The following CCDC22 variants were observed in gnomAD, a reference collection of about 807,000 sequenced individuals.
The protein encoded by CCDC22 is CCC complex scaffolding subunit CCDC22, also known as coiled-coil domain-containing protein 22.
CCDC22 carries 4 observed loss-of-function variants against 53.1 expected under a neutral mutation model. The ratio of observed to expected loss-of-function variants is 0.08; its 90% CI spans 0.04 to 0.17. The LOEUF (loss-of-function observed/expected upper bound fraction) is 0.17, where lower values mean the gene tolerates loss of function less well. CCDC22 is among the 10% of genes least tolerant of loss of function. CCDC22 has a pLI of 1.00. For synonymous variants in CCDC22, 222 were observed against 224.4 expected, an observed-to-expected ratio of 0.99 and a Z score of 0.10; for missense variants, 458 against 554.0, an observed-to-expected ratio of 0.83 and a Z score of 1.74.
At position 49,235,524 on chromosome X, in the gene CCDC22, C is replaced by A; in HGVS notation, c.-113C>A. On this transcript the variant is annotated 5_prime_UTR_variant, in exon 1 of 17. Coordinates refer to ENST00000376227, the MANE Select transcript of CCDC22 (RefSeq NM_014008.5). The stretch of plus-strand genomic sequence containing the variant: ...GAACTACACTTTCCAACTCTCCCCA[C>A]ACGACCCGTGACACTCTGTGGACCG... 2 of 710,835 alleles carry A rather than the reference C, an allele frequency of 2.8e-6. No individual in the cohort carries two copies. The highest frequency in any genetic ancestry group is 4.4e-6 in the Non-Finnish European group (2 of 456,603). The allele number at this position is 710,835 out of a possible 1,213,427, so 58.6% of individuals were successfully genotyped here. A position where few individuals can be genotyped will look rare whatever the true frequency, so the allele number is the denominator to read the frequency against.
rs1187267718 is a variant in CCDC22 at position 49,235,484 on chromosome X, C to T, written c.-153C>T. The T allele has an allele frequency of 5.2e-5, 28 of 538,452 alleles. No homozygotes were observed. Among genetic ancestry groups the T allele is most frequent in the Non-Finnish European group, 8.4e-5 (26 of 308,022 alleles). The allele number at this position is 538,452 out of a possible 1,213,427, so 44.4% of individuals were successfully genotyped here. ...CCCCAGGCCTCACATCCGGCATGCG[C>T]CGTGCTCGCTCACAGAACTACACTT... On this transcript the variant is annotated 5_prime_UTR_variant, in exon 1 of 17. Transcript: ENST00000376227.
intron 13 of CCDC22, 37 bp from the exon 14 acceptor site, chrX:49,249,130 C>T (rs782815714): frequency 1.6e-5 from 19 of 1,171,052 alleles, no homozygotes; most frequent in Non-Finnish European, 2.2e-5. Flanking sequence ...CCAGCCTGCC[C>T]CAGGCAGGGG....
intron 1 of CCDC22, 92 bp downstream of exon 1, chrX:49,235,778 C>A: frequency 1.3e-6 from 1 of 744,930 alleles, no homozygotes; most frequent in Non-Finnish European, 2.0e-6. Context: ...AACCCGGGAT[C>A]CTGACATTCA....
intron 1 of CCDC22, among the ~76,000 whole-genome samples, 177 bp downstream of exon 1, chrX:49,235,863 A>ACG (rs1262064002): frequency 6.7e-5 from 7 of 103,749 alleles, no homozygotes; most frequent in Admixed American, 2.0e-4. Flanking sequence ...ACACACACAC[A>ACG]CGCACACACA....
At chrX:49,239,970 C>T (rs1183732158) in intron 2 of CCDC22, among the ~76,000 whole-genome samples, 1 of 109,641 alleles carries the variant, frequency 9.1e-6, no homozygotes, top group Non-Finnish European at 1.9e-5. Flanking sequence ...TACATGTGGG[C>T]TGGGCACGTT....
In CCDC22 at chrX:49,248,840, C is replaced by T. The variant is rs1278843349; in HGVS notation, c.1455C>T (p.Pro485=). The T allele has an allele frequency of 8.3e-7, 1 of 1,210,739 alleles. No individual in the cohort carries two copies. Among genetic ancestry groups the T allele is most frequent in the Non-Finnish European group, 1.1e-6 (1 of 895,077 alleles). Residue 485 remains proline (P), a synonymous_variant, in exon 13 of 17, where the codon CCC becomes CCT. Transcript: ENST00000376227. ...KQLMSELETL[P]RDVSRLAYTQ... ...AGATGTCAGAGCTGGAGACTCTGCC[C>T]AGAGATGTGTCCCGGCTGGCCTACA...
chrX:49,243,551 C>G, intron 6 of CCDC22, 89 bp downstream of exon 6: 1 of 776,848 alleles, frequency 1.3e-6, no homozygotes. Context: ...CACTTTGTCC[C>G]TCCCTTCCAT....
At position 49,250,352 on chromosome X, in the gene CCDC22, C is replaced by T. The variant is rs782609786; in HGVS notation, c.*91C>T. 507 of 548,463 alleles carry T rather than the reference C, an allele frequency of 9.2e-4. No individual in the cohort carries two copies. Among genetic ancestry groups the T allele is most frequent in the South Asian group, 1.3e-3 (54 of 40,595 alleles). The allele number at this position is 548,463 out of a possible 1,213,427, so 45.2% of individuals were successfully genotyped here. On this transcript the variant is annotated 3_prime_UTR_variant, in exon 17 of 17. Transcript: ENST00000376227. ...AAGCACATGCCCTAGCTACTTCCTC[C>T]GCTGTCCAGTTCCTCCTGCTGCGGC...
rs782588505 is a variant in CCDC22, at chrX:49,243,217, G to A, written c.535+33G>A. On this transcript the variant is annotated intron_variant, in intron 5 of 16. Transcript: ENST00000376227. ...TGAGGCTGTGGGGAGGGGTGAGGAG[G>A]AAGGTGGGGGGGAACCTCATAGCGT... is the stretch of plus-strand genomic sequence containing the variant. The A allele has an allele frequency of 2.5e-6, 3 of 1,203,395 alleles. No homozygotes were observed. In the East Asian group the frequency reaches 8.9e-5, roughly 36 times the overall value.
In CCDC22 at chrX:49,241,900, G is replaced by A. The variant is rs782313560; in HGVS notation, c.229-116G>A. The A allele has an allele frequency of 3.7e-5, 30 of 808,114 alleles. No homozygotes were observed. The African/African-American group carries it at 5.6e-4, about 15-fold the overall frequency. 66.6% of individuals were successfully genotyped at this position (808,114 alleles called of 1,213,427 possible). A position where few individuals can be genotyped will look rare whatever the true frequency, so the allele number is the denominator to read the frequency against. ...GGGCCCAGAGGCCTTGGGGAGCTGG[G>A]GGAGGTTGGGAGGGTGGTGGTTAGT... On this transcript the variant is annotated intron_variant, in intron 2 of 16. Coordinates refer to ENST00000376227, the MANE Select transcript of CCDC22 (RefSeq NM_014008.5).
chrX:49,236,407 C>A (rs1233856104), intron 1 of CCDC22, among the ~76,000 whole-genome samples: 1 of 109,755 alleles, frequency 9.1e-6, no homozygotes, highest in African/African-American at 3.3e-5. Flanking sequence ...AGGGTTTCAC[C>A]ATGTTGGTCA....
In CCDC22 at chrX:49,235,578, C is replaced by T. The variant is rs2065931895; in HGVS notation, c.-59C>T. The T allele has an allele frequency of 9.6e-7, 1 of 1,037,845 alleles. No individual in the cohort carries two copies. The allele number at this position is 1,037,845 out of a possible 1,213,427, so 85.5% of individuals were successfully genotyped here. The stretch of plus-strand genomic sequence containing the variant: ...GCACGGAGCAGGGTTTCTACAGCTG[C>T]TCCCCACTTTCTCGGACCCGGTCCT... On this transcript the variant is annotated 5_prime_UTR_variant, in exon 1 of 17. Transcript: ENST00000376227.
rs782145074 is a variant in CCDC22 at position 49,243,166 on chromosome X, G to C, written c.517G>C (p.Glu173Gln). ...PFHASRLVVP[E>Q]LSSRGEPREF... is the part of the protein sequence containing the mutation. ...CCATGCCAGCAGGCTGGTCGTGCCAGAATTGAGTTCCAGAGGTGGTGAGCA... is the reference window on the plus strand; with the variant it reads ...CCATGCCAGCAGGCTGGTCGTGCCACAATTGAGTTCCAGAGGTGGTGAGCA... The change falls in exon 5 of 17, where the codon GAA (glutamate) becomes CAA (glutamine). Residue 173 changes from glutamate (E) to glutamine (Q), a missense_variant. Physicochemically the swap from Glu to Gln is conservative, Grantham distance 29. This residue lies in a region of CCDC22 where 309 missense variants were observed against 312.3 expected (regional missense o/e 0.99). Coordinates refer to ENST00000376227, the MANE Select transcript of CCDC22 (RefSeq NM_014008.5). The C allele has an allele frequency of 8.3e-7, 1 of 1,211,890 alleles. No individual in the cohort carries two copies. The highest frequency in any genetic ancestry group is 1.7e-5 in the African/African-American group (1 of 57,932).
rs1557112556 is a variant in CCDC22, at chrX:49,235,703, C to T, written c.50+17C>T. 1.7e-6 allele frequency: 2 copies of T among 1,168,095 alleles called. No homozygotes were observed. The highest frequency in any genetic ancestry group is 1.2e-6 in the Non-Finnish European group (1 of 869,367). Reference sequence around the variant, plus strand: ...GGCCGGCACGTAAGGACAGAGCCCCCGCCCACCCCCGAAGCCCACATCCGG... The same window carrying T: ...GGCCGGCACGTAAGGACAGAGCCCCTGCCCACCCCCGAAGCCCACATCCGG... On this transcript the variant is annotated intron_variant, in intron 1 of 16. Coordinates refer to ENST00000376227, the MANE Select transcript of CCDC22 (RefSeq NM_014008.5).
chrX:49,241,478 C>A (rs1302037885), intron 2 of CCDC22, among the ~76,000 whole-genome samples: 4 of 75,081 alleles, frequency 5.3e-5, no homozygotes, highest in Non-Finnish European at 1.1e-4. Context: ...CAGAGCGAGA[C>A]CCTGTCTCAA....
chrX:49,247,758 G>T lies in CCDC22; in HGVS notation c.1082G>T (p.Ser361Ile), dbSNP rs781846018. ...GCCGACATGAAGACCCTGGGCGTCA[G>T]CTTTGTGCAGGTAAGGGGCGGAGGA... ...VEADMKTLGV[S>I]FVQAESECRH... The change falls in exon 9 of 17, where the codon AGC becomes ATC. Residue 361 changes from serine (S) to isoleucine (I), a missense_variant. By Grantham distance (142) the Ser-to-Ile change is moderately radical (BLOSUM62 -2). Around this residue, in one of 4 missense-constraint regions of CCDC22, gnomAD observed 309 missense variants for 312.3 expected, o/e 0.99. Coordinates refer to ENST00000376227, the MANE Select transcript of CCDC22 (RefSeq NM_014008.5). 1 of 1,211,519 alleles carries T rather than the reference G, an allele frequency of 8.3e-7. No individual in the cohort carries two copies. The highest frequency in any genetic ancestry group is 1.1e-6 in the Non-Finnish European group (1 of 895,349).
At position 49,248,290 on chromosome X, in the gene CCDC22, G is replaced by A; in HGVS notation, c.1192G>A (p.Ala398Thr). 5 of 1,051,595 alleles carry A rather than the reference G, an allele frequency of 4.8e-6. No homozygotes were observed. Among genetic ancestry groups the A allele is most frequent in the Non-Finnish European group, 6.2e-6 (5 of 801,339 alleles). 86.7% of individuals were successfully genotyped at this position (1,051,595 alleles called of 1,213,427 possible). A position where few individuals can be genotyped will look rare whatever the true frequency, so the allele number is the denominator to read the frequency against. Residue 398 changes from alanine to threonine, a missense_variant, in exon 10 of 17, where the codon GCC becomes ACC. Transcript: ENST00000376227. Reference sequence around the variant, plus strand: ...GGTGGAGCTGCTGCCCGATGGGACTGCCAACCTTGCCAAGCTGCAGGTGGG... The same window carrying A: ...GGTGGAGCTGCTGCCCGATGGGACTACCAACCTTGCCAAGCTGCAGGTGGG... ...RAVELLPDGT[A>T]NLAKLQLVVE...
chrX:49,236,992 C>T, intron 1 of CCDC22, 94 bp from the exon 2 acceptor site: 4 of 813,969 alleles, frequency 4.9e-6, no homozygotes, highest in Middle Eastern at 2.9e-4. Context: ...CTCCCTGCCC[C>T]GACCCTGGTA....
chrX:49,245,699 A>G (rs1242241238), intron 6 of CCDC22, among the ~76,000 whole-genome samples: 1 of 112,288 alleles, frequency 8.9e-6, no homozygotes, highest in African/African-American at 3.2e-5. Context: ...ATCTGTAGTA[A>G]TTTTCAAACA....
Sources: allele counts gnomAD v4.1 joint callset (sites outside exome capture counted in the v4.1 genomes callset), GRCh38; gene constraint gnomAD v4.1.1; regional missense constraint gnomAD v4.1.1; transcripts MANE v1.5; gene names NCBI Gene and HGNC (gene_info 2026-07-23, HGNC 2026-07-21).